Variants in BUD23 observed in about 807,000 individuals in gnomAD.
BUD23 encodes the protein BUD23 rRNA methyltransferase and ribosome maturation factor.
A neutral mutation model predicts 47.0 loss-of-function variants in BUD23; 34 were observed. That is an observed-to-expected ratio of 0.72 (90% CI 0.55 to 0.96). The LOEUF is 0.96. BUD23 is among the 40% of genes least tolerant of loss of function. The pLI is 0.00. For synonymous variants in BUD23, 124 were observed against 132.0 expected (o/e 0.94, Z 0.41); for missense variants, 343 against 361.2 (o/e 0.95, Z 0.41).
chr7:73,684,802 T>C (rs1554612566), intron 2 of BUD23, among the ~76,000 whole-genome samples: 1 of 150,436 alleles, frequency 6.6e-6, no homozygotes, highest in African/African-American at 2.5e-5. Flanking sequence ...CGGGTTTCTG[T>C]AACCCCAGCT....
chr7:73,697,665 G>A lies in BUD23; in HGVS notation c.762G>A (p.Glu254=). ...GGAAGAGTCGGGCATGGGTGCTGGA[G>A]AAGAAGGAGCGGCACAGGCGCCAGG... ...MVRKSRAWVL[E]KKERHRRQGR... is the part of the protein sequence containing the mutation. Residue 254 remains glutamate, a synonymous_variant, in exon 11 of 12, where the codon GAG becomes GAA. Coordinates refer to ENST00000265758, the MANE Select transcript of BUD23 (RefSeq NM_017528.5). 1 of 1,613,696 alleles carries A rather than the reference G, an allele frequency of 6.2e-7. No individual in the cohort carries two copies. The highest frequency in any genetic ancestry group is 8.5e-7 in the Non-Finnish European group (1 of 1,179,924).
intron 10 of BUD23, chr7:73,696,525 T>C (rs1401964600): frequency 6.6e-6 from 1 of 152,236 alleles, no homozygotes; most frequent in Non-Finnish European, 1.5e-5. Context: ...TAGTGCCACC[T>C]ATCTTGGCAG....
chr7:73,683,735 T>C, intron 1 of BUD23, 32 bp from the exon 2 acceptor site: 1 of 1,614,192 alleles, frequency 6.2e-7, no homozygotes, highest in Non-Finnish European at 8.5e-7. Flanking sequence ...GTCTGAATTA[T>C]TCCTCTACAT....
At chr7:73,692,873 A>G in intron 7 of BUD23, 1 of 563,640 alleles carries the variant, frequency 1.8e-6, no homozygotes, top group Non-Finnish European at 3.2e-6. Flanking sequence ...TATTACAGAT[A>G]AGGTGATGCG....
At chr7:73,697,446 A>T (rs1554615018) in intron 10 of BUD23, 159 bp from the exon 11 acceptor site, 1 of 1,538,650 alleles carries the variant, frequency 6.5e-7, no homozygotes, top group Non-Finnish European at 8.7e-7. Flanking sequence ...GGGTGTCCAG[A>T]GCGGGGAATT....
Position 73,698,071 on chromosome 7 carries a change from G to C in BUD23, c.*185G>C. The C allele has an allele frequency of 2.3e-6, 1 of 444,360 alleles. No homozygotes were observed. The highest frequency in any genetic ancestry group is 4.0e-5 in the East Asian group (1 of 25,236). 27.5% of individuals were successfully genotyped at this position (444,360 alleles called of 1,614,324 possible). Reference sequence around the variant, plus strand: ...AGCACCTTGGGAGGCTGAGGTGGGAGGATCATTTGAGGCCAGGAGTTTGAG... The same window carrying C: ...AGCACCTTGGGAGGCTGAGGTGGGACGATCATTTGAGGCCAGGAGTTTGAG... On this transcript the variant is annotated 3_prime_UTR_variant, in exon 12 of 12. Coordinates refer to ENST00000265758, the MANE Select transcript of BUD23 (RefSeq NM_017528.5).
intron 2 of BUD23, among the ~76,000 whole-genome samples, chr7:73,684,617 A>AAGGGGG (rs1554612517): frequency 1.5e-3 from 132 of 86,526 alleles, no homozygotes; most frequent in Admixed American, 2.3e-3. Context: ...AAAAAAAAAA[A>AAGGGGG]GGGGGGGGGA....
chr7:73,697,443 C>T, intron 10 of BUD23, 162 bp from the exon 11 acceptor site: 1 of 1,538,270 alleles, frequency 6.5e-7, no homozygotes, highest in Non-Finnish European at 8.7e-7. Flanking sequence ...GGAGGGTGTC[C>T]AGAGCGGGGA....
At chr7:73,689,323 A>G (rs1322487712) in intron 5 of BUD23, among the ~76,000 whole-genome samples, 2 of 150,452 alleles carry the variant, frequency 1.3e-5, no homozygotes, top group Non-Finnish European at 2.9e-5. Context: ...TTGGGATTAC[A>G]GGCGTGAGCC....
intron 5 of BUD23, among the ~76,000 whole-genome samples, chr7:73,689,831 G>A (rs1361736508): frequency 6.6e-6 from 1 of 152,140 alleles, no homozygotes; most frequent in Non-Finnish European, 1.5e-5. Context: ...ATTTTCTGGT[G>A]AAAGAGGAGA....
chr7:73,696,371 G>A (rs1364186596), intron 10 of BUD23: 1 of 152,092 alleles, frequency 6.6e-6, no homozygotes, highest in Admixed American at 6.6e-5. Context: ...CCCTCCCAGG[G>A]GAAGTACACA....
chr7:73,692,796 C>A (rs1798243992), intron 7 of BUD23, 150 bp downstream of exon 7: 2 of 702,380 alleles, frequency 2.8e-6, no homozygotes, highest in Non-Finnish European at 4.7e-6. Context: ...ATTTGATGAC[C>A]TGATATCCTA....
At chr7:73,686,573 G>A (rs1313958657) in intron 2 of BUD23, 63 bp from the exon 3 acceptor site, 86 of 1,426,926 alleles carry the variant, frequency 6.0e-5, no homozygotes, top group Non-Finnish European at 7.6e-5. Flanking sequence ...TTGTTTTTTG[G>A]TCTGGGGGAA....
chr7:73,697,152 C>G (rs1798437688), intron 10 of BUD23: 2 of 404,056 alleles, frequency 4.9e-6, no homozygotes, highest in Admixed American at 8.1e-5. Context: ...TTCCCTCATA[C>G]CCCTCAGTCC....
chr7:73,683,953 C>T, intron 2 of BUD23, 149 bp downstream of exon 2: 1 of 1,549,842 alleles, frequency 6.5e-7, no homozygotes, highest in Non-Finnish European at 8.7e-7. Context: ...TCTGGTAAAT[C>T]AACTTTAAGT....
intron 2 of BUD23, among the ~76,000 whole-genome samples, chr7:73,686,313 C>T (rs1240694219): frequency 2.6e-5 from 4 of 152,156 alleles, no homozygotes; most frequent in African/African-American, 9.7e-5. Flanking sequence ...GCAGCCCAGC[C>T]TAATAGAGTT....
intron 5 of BUD23, among the ~76,000 whole-genome samples, chr7:73,689,632 A>G (rs1223729848): frequency 6.6e-6 from 1 of 152,152 alleles, no homozygotes; most frequent in African/African-American, 2.4e-5. Context: ...AACAGTGGGC[A>G]GAGGCACAGA....
At chr7:73,691,254 A>G (rs1189069803) in intron 6 of BUD23, among the ~76,000 whole-genome samples, 1 of 152,174 alleles carries the variant, frequency 6.6e-6, no homozygotes, top group African/African-American at 2.4e-5. Flanking sequence ...TCGGAGACCA[A>G]TTTATTAACT....
At chr7:73,687,316 C>T (rs1554613223) in intron 5 of BUD23, among the ~76,000 whole-genome samples, 1 of 152,064 alleles carries the variant, frequency 6.6e-6, no homozygotes. Context: ...CTTGCTCTGT[C>T]ACCAGGCTGG....
Sources: gnomAD v4.1 joint callset for allele counts (sites outside exome capture counted in the v4.1 genomes callset) on GRCh38, gnomAD v4.1.1 for gene constraint, MANE v1.5 for transcripts, NCBI Gene and HGNC (gene_info 2026-07-23, HGNC 2026-07-21) for gene names.